Variants in RHOH observed in about 807,000 individuals in gnomAD.
RHOH encodes the protein ras homolog family member H.
In RHOH, 6 loss-of-function variants were observed where a neutral mutation model predicts 13.8. The ratio of observed to expected loss-of-function variants is 0.44; its 90% CI spans 0.24 to 0.86. RHOH has a LOEUF of 0.86. Ranked by LOEUF, RHOH falls within the 40% of genes least tolerant of loss-of-function variation. The probability of loss-of-function intolerance (pLI) is 0.24; values close to 1 mark genes in which losing one functional copy is unlikely to be tolerated. For missense variants in RHOH, 147 were observed against 244.5 expected, an observed-to-expected ratio of 0.60 and a Z score of 2.66; for synonymous variants, 117 against 103.0, an observed-to-expected ratio of 1.14 and a Z score of -0.82.
rs1560290880 is a variant in RHOH, at chr4:40,243,712, C to T, written c.326C>T (p.Thr109Ile). 4 of 1,614,168 alleles carry T rather than the reference C, an allele frequency of 2.5e-6. No homozygotes were observed. The highest frequency in any genetic ancestry group is 3.4e-6 in the Non-Finnish European group (4 of 1,180,020). ...IGEIRSNLPC[T>I]PVLVVATQTD... is the part of the protein sequence containing the mutation. ...GAAATTAGGAGCAACTTGCCCTGTA[C>T]CCCTGTGCTGGTGGTGGCCACCCAG... Residue 109 changes from threonine to isoleucine, a missense_variant, in exon 3 of 3, where the codon ACC (threonine) becomes ATC (isoleucine). Physicochemically the swap from Thr to Ile is moderately conservative, Grantham distance 89. This residue lies in a region of RHOH where 80 missense variants were observed against 152.0 expected (regional missense o/e 0.53). Coordinates refer to ENST00000381799, the MANE Select transcript of RHOH (RefSeq NM_004310.5). The surrounding 1 kb of genome is among the most constrained non-coding windows in gnomAD (Gnocchi z 6.2).
rs1729749880 is a variant in RHOH, at chr4:40,246,075, C to A, written c.*2113C>A. The A allele has an allele frequency of 6.6e-6, 1 of 152,148 alleles. No individual in the cohort carries two copies. Among genetic ancestry groups the A allele is most frequent in the Non-Finnish European group, 1.5e-5 (1 of 68,074 alleles). The allele number at this position is 152,148 out of a possible 1,614,324, so 9.4% of individuals were successfully genotyped here. On this transcript the variant is annotated 3_prime_UTR_variant, in exon 3 of 3. Coordinates refer to ENST00000381799, the MANE Select transcript of RHOH (RefSeq NM_004310.5). ...TTGGGGGGCTTGAAAGATGACCGGG[C>A]AGGGGAGGGGAAGGGATCTCATATC...
At chr4:40,195,092 A>G (rs1425073824), upstream of RHOH, among the ~76,000 whole-genome samples, 2 of 152,130 alleles carry the variant, frequency 1.3e-5, no homozygotes, top group Non-Finnish European at 2.9e-5. Flanking sequence ...CGTGGCATAC[A>G]TTCTCTGTAA....
In RHOH at chr4:40,244,482, T is replaced by G. The variant is rs1698801877; in HGVS notation, c.*520T>G. The G allele has an allele frequency of 4.7e-6, 1 of 214,452 alleles. No individual in the cohort carries two copies. Among genetic ancestry groups the G allele is most frequent in the South Asian group, 1.9e-4 (1 of 5,242 alleles). The allele number at this position is 214,452 out of a possible 1,614,324, so 13.3% of individuals were successfully genotyped here. The stretch of plus-strand genomic sequence containing the variant: ...GTTGAAACCACTTGGCTGCTGGATT[T>G]AAATGGGTAATCAAATTTAAAAATG... On this transcript the variant is annotated 3_prime_UTR_variant, in exon 3 of 3. Transcript: ENST00000381799.
intron 1 of RHOH, among the ~76,000 whole-genome samples, chr4:40,236,751 C>T (rs1728630411): frequency 6.6e-6 from 1 of 151,686 alleles, no homozygotes; most frequent in Non-Finnish European, 1.5e-5. Context: ...GAGATCGTGC[C>T]AGTGCAGTCC....
rs1358435462 is a variant in RHOH at position 40,245,069 on chromosome 4, T to C, written c.*1107T>C. ...TCCAAGCACAGGAATAAGAAAGCTA[T>C]ATAGCAACTGCTCAGAGAACAGAAA... On this transcript the variant is annotated 3_prime_UTR_variant, in exon 3 of 3. Coordinates refer to ENST00000381799, the MANE Select transcript of RHOH (RefSeq NM_004310.5). 2 of 152,162 alleles carry C rather than the reference T, an allele frequency of 1.3e-5. No individual in the cohort carries two copies. Among genetic ancestry groups the C allele is most frequent in the Non-Finnish European group, 2.9e-5 (2 of 68,054 alleles). 9.4% of individuals were successfully genotyped at this position (152,162 alleles called of 1,614,324 possible).
intron 1 of RHOH, among the ~76,000 whole-genome samples, chr4:40,225,810 A>C (rs775102944): frequency 4.6e-5 from 7 of 152,172 alleles, no homozygotes. Context: ...TCTCACTAAG[A>C]GAGAGGTAGG....
At chr4:40,236,741 G>A (rs980678195) in intron 1 of RHOH, among the ~76,000 whole-genome samples, 6 of 151,382 alleles carry the variant, frequency 4.0e-5, no homozygotes, top group African/African-American at 4.9e-5. Flanking sequence ...GCAGTGAGCC[G>A]AGATCGTGCC....
chr4:40,208,267 C>T (rs1369476068), intron 1 of RHOH, among the ~76,000 whole-genome samples: 5 of 152,268 alleles, frequency 3.3e-5, no homozygotes, highest in South Asian at 4.1e-4. Context: ...TCAACAGGTA[C>T]GTAGCTCATT....
At chr4:40,231,614 A>C (rs927275776) in intron 1 of RHOH, among the ~76,000 whole-genome samples, 6 of 152,166 alleles carry the variant, frequency 3.9e-5, no homozygotes, top group Non-Finnish European at 8.8e-5. Flanking sequence ...CCAGGCCCCC[A>C]GGCCTACAGC....
At position 40,236,572 on chromosome 4, in the gene RHOH, C is replaced by T. The variant is rs547504663; in HGVS notation, c.-330-6142C>T. On this transcript the variant is annotated intron_variant, in intron 1 of 2. Coordinates refer to ENST00000381799, the MANE Select transcript of RHOH (RefSeq NM_004310.5). ...TTGGGAAGCTGAGGCAGGTGAATCA[C>T]GAGGTCAGGAGATCGAGACCATCCT... Among the ~76,000 whole-genome samples, 11 of 152,120 alleles carry T rather than the reference C, an allele frequency of 7.2e-5. No individual in the cohort carries two copies. In the East Asian group the frequency reaches 9.7e-4, roughly 13 times the overall value.
chr4:40,220,569 A>AG (rs1365860822), intron 1 of RHOH, among the ~76,000 whole-genome samples: 1 of 152,118 alleles, frequency 6.6e-6, no homozygotes, highest in African/African-American at 2.4e-5. Flanking sequence ...TCTTCTATAG[A>AG]GAAAAAAAAG....
chr4:40,211,989 C>T (rs1308434945), intron 1 of RHOH, among the ~76,000 whole-genome samples: 5 of 152,148 alleles, frequency 3.3e-5, no homozygotes, highest in Non-Finnish European at 7.3e-5. Context: ...TCTGAGTCAT[C>T]CGATGCTTTA....
At chr4:40,241,631 T>A (rs1729255801) in intron 1 of RHOH, among the ~76,000 whole-genome samples, 1 of 152,202 alleles carries the variant, frequency 6.6e-6, no homozygotes, top group African/African-American at 2.4e-5. Flanking sequence ...GGCTCACACC[T>A]GTAATCCCAA....
Position 40,244,496 on chromosome 4 carries a change from A to C in RHOH, c.*534A>C, listed in dbSNP as rs1203898306. ...GCTGCTGGATTTAAATGGGTAATCA[A>C]ATTTAAAAATGACCATAAATGAATC... On this transcript the variant is annotated 3_prime_UTR_variant, in exon 3 of 3. Transcript: ENST00000381799. The C allele has an allele frequency of 4.7e-6, 1 of 211,924 alleles. No individual in the cohort carries two copies. The highest frequency in any genetic ancestry group is 2.3e-5 in the African/African-American group (1 of 43,376). 13.1% of individuals were successfully genotyped at this position (211,924 alleles called of 1,614,324 possible).
upstream of RHOH, chr4:40,193,153 T>G (rs1722779534): frequency 6.6e-6 from 1 of 152,420 alleles, no homozygotes; most frequent in African/African-American, 2.4e-5. Flanking sequence ...TAACACGACG[T>G]GCTATGGAGC....
chr4:40,220,219 A>C (rs542456597), intron 1 of RHOH, among the ~76,000 whole-genome samples: 4 of 152,118 alleles, frequency 2.6e-5, no homozygotes, highest in African/African-American at 9.6e-5. Flanking sequence ...CATGCGGTCC[A>C]CCAGTCCTAT....
At chr4:40,209,834 C>A (rs1008960362) in intron 1 of RHOH, among the ~76,000 whole-genome samples, 13 of 152,154 alleles carry the variant, frequency 8.5e-5, no homozygotes, top group African/African-American at 3.1e-4. Flanking sequence ...GACATATCTT[C>A]TAGGTAAATC....
upstream of RHOH, among the ~76,000 whole-genome samples, chr4:40,192,727 C>T (rs1051080809): frequency 6.6e-6 from 1 of 152,126 alleles, no homozygotes; most frequent in Admixed American, 6.5e-5. Flanking sequence ...TGAAGGGGAC[C>T]GTTTGCACAG....
At chr4:40,202,062 TGCCTTA>T (rs1388667383) in intron 1 of RHOH, among the ~76,000 whole-genome samples, 1 of 150,884 alleles carries the variant, frequency 6.6e-6, no homozygotes, top group African/African-American at 2.4e-5. Context: ...TTGATCCTCC[TGCCTTA>T]GCCTCCCAAG....
Sources: allele counts gnomAD v4.1 joint callset (sites outside exome capture counted in the v4.1 genomes callset), GRCh38; gene constraint gnomAD v4.1.1; regional missense constraint gnomAD v4.1.1; non-coding constraint Gnocchi (gnomAD v3.1); transcripts MANE v1.5; gene names NCBI Gene and HGNC (gene_info 2026-07-23, HGNC 2026-07-21).